The following CD5 variants were observed in gnomAD, a reference collection of about 807,000 sequenced individuals.
CD5 encodes the protein CD5 molecule.
CD5 carries 36 observed loss-of-function variants against 60.3 expected under a neutral mutation model. The observed-to-expected ratio is 0.60, with a 90% confidence interval of 0.46 to 0.79. The LOEUF (loss-of-function observed/expected upper bound fraction) is 0.79. CD5 is among the 30% of genes least tolerant of loss of function. CD5 has a pLI of 0.00. For missense variants in CD5, 540 were observed against 630.6 expected (o/e 0.86, Z 1.54); for synonymous variants, 230 against 257.6 (o/e 0.89, Z 1.03).
the CD5 span, among the ~76,000 whole-genome samples, chr11:61,097,293 A>G: frequency 6.6e-6 from 1 of 152,176 alleles, no homozygotes; most frequent in African/African-American, 2.4e-5. Context: ...CTTGGCTCAA[A>G]AGAATCACCC....
At chr11:61,097,108 T>C in the CD5 span, among the ~76,000 whole-genome samples, 4 of 152,196 alleles carry the variant, frequency 2.6e-5, no homozygotes, top group South Asian at 6.2e-4. Context: ...GAACTCAATG[T>C]GCCAGTACCA....
At chr11:61,100,106 A>G (rs1860642907), upstream of CD5, among the ~76,000 whole-genome samples, 1 of 142,956 alleles carries the variant, frequency 7.0e-6, no homozygotes, top group Non-Finnish European at 1.5e-5. Flanking sequence ...TCACACACAC[A>G]TCAACATGGA....
Position 61,118,745 on chromosome 11 carries a change from G to A in CD5, c.401-170G>A, listed in dbSNP as rs533063474. ...CCTCCATTCTCCCATCTGTGAAGTG[G>A]GGTGGTACTTCCCGCCTCGCAGGAG... On this transcript the variant is annotated intron_variant, in intron 3 of 10. Transcript: ENST00000347785. This position sits in a 1 kb window ranked among gnomAD's most constrained non-coding sequence, Gnocchi z 4.7. 3.3e-5 allele frequency among the ~76,000 whole-genome samples: 5 copies of A among 152,270 alleles called. No homozygotes were observed. In the East Asian group the frequency reaches 7.7e-4, roughly 24 times the overall value.
upstream of CD5, among the ~76,000 whole-genome samples, chr11:61,101,146 A>ATT: frequency 9.0e-6 from 1 of 111,362 alleles, no homozygotes; most frequent in Non-Finnish European, 1.8e-5. Context: ...TGGAGATTAC[A>ATT]CACACATCAA....
At chr11:61,106,411 G>C (rs1412263257) in intron 1 of CD5, among the ~76,000 whole-genome samples, 1 of 152,158 alleles carries the variant, frequency 6.6e-6, no homozygotes. Flanking sequence ...AGGCCTGAGA[G>C]GGTGGGGCTC....
At chr11:61,108,125 A>G (rs1860802007) in intron 1 of CD5, among the ~76,000 whole-genome samples, 1 of 152,192 alleles carries the variant, frequency 6.6e-6, no homozygotes, top group Non-Finnish European at 1.5e-5. Context: ...CCTTCTTCAC[A>G]GGGCTGTGGG....
chr11:61,100,947 ACACACACATCAACATGGAGATCACATT>A (rs1860670263), upstream of CD5, among the ~76,000 whole-genome samples: 1 of 142,166 alleles, frequency 7.0e-6, no homozygotes, highest in Non-Finnish European at 1.5e-5. Context: ...CATGGAGATT[ACACACACATCAACATGGAGATCACATT>A]CACACACATC....
chr11:61,115,215 T>C (rs1004908193), intron 2 of CD5, 121 bp downstream of exon 2: 8 of 837,608 alleles, frequency 9.6e-6, no homozygotes, highest in African/African-American at 1.7e-5. Flanking sequence ...CCCCACCCTA[T>C]AGAGAGAGTG....
In CD5 at chr11:61,119,587, C is replaced by T; in HGVS notation, c.805+12C>T. The stretch of plus-strand genomic sequence containing the variant: ...CCTCCTTTGCTCAGGTAAGTGAGAC[C>T]TGGCCAAGCCCCATGACACCTTCTG... On this transcript the variant is annotated intron_variant, in intron 5 of 10. Transcript: ENST00000347785. 1 of 1,585,890 alleles carries T rather than the reference C, an allele frequency of 6.3e-7. No homozygotes were observed. The highest frequency in any genetic ancestry group is 8.6e-7 in the Non-Finnish European group (1 of 1,165,900).
At chr11:61,097,594 A>G (rs952827953), upstream of CD5, among the ~76,000 whole-genome samples, 3 of 152,280 alleles carry the variant, frequency 2.0e-5, no homozygotes, top group South Asian at 2.1e-4. Context: ...AAATTACCTG[A>G]CCACTGGGCA....
chr11:61,118,822 A>G lies in CD5; in HGVS notation c.401-93A>G. On this transcript the variant is annotated intron_variant, in intron 3 of 10. Coordinates refer to ENST00000347785, the MANE Select transcript of CD5 (RefSeq NM_014207.4). The surrounding 1 kb of genome is among the most constrained non-coding windows in gnomAD (Gnocchi z 4.7). Reference sequence around the variant, plus strand: ...GGACCTGGTGTGCCAAGCGGCACTCATGCCAGGAGCTCCTGGTCCTCTCAA... The same window carrying G: ...GGACCTGGTGTGCCAAGCGGCACTCGTGCCAGGAGCTCCTGGTCCTCTCAA... 1 of 863,648 alleles carries G rather than the reference A, an allele frequency of 1.2e-6. No individual in the cohort carries two copies. Among genetic ancestry groups the G allele is most frequent in the Non-Finnish European group, 1.9e-6 (1 of 528,150 alleles). 53.5% of individuals were successfully genotyped at this position (863,648 alleles called of 1,614,324 possible). A position where few individuals can be genotyped will look rare whatever the true frequency, so the allele number is the denominator to read the frequency against.
At chr11:61,115,902 C>T (rs944609048) in intron 2 of CD5, among the ~76,000 whole-genome samples, 7 of 152,226 alleles carry the variant, frequency 4.6e-5, no homozygotes, top group African/African-American at 1.7e-4. Flanking sequence ...CTCTTGAGCC[C>T]GTTTCCCCAG....
At chr11:61,111,461 C>T (rs1402715991) in intron 1 of CD5, among the ~76,000 whole-genome samples, 1 of 152,192 alleles carries the variant, frequency 6.6e-6, no homozygotes, top group Non-Finnish European at 1.5e-5. Context: ...AAGTATGCAG[C>T]AGGTGCTCAA....
chr11:61,094,915 C>T, the CD5 span, among the ~76,000 whole-genome samples: 1 of 152,044 alleles, frequency 6.6e-6, no homozygotes, highest in Non-Finnish European at 1.5e-5. Context: ...CACAGGGTAA[C>T]CTGTAAGCCA....
At position 61,102,553 on chromosome 11, in the gene CD5, C is replaced by T; in HGVS notation, c.-8C>T. The T allele has an allele frequency of 6.3e-7, 1 of 1,578,998 alleles. No homozygotes were observed. The highest frequency in any genetic ancestry group is 1.2e-5 in the South Asian group (1 of 86,022). On this transcript the variant is annotated 5_prime_UTR_variant, in exon 1 of 11. Coordinates refer to ENST00000347785, the MANE Select transcript of CD5 (RefSeq NM_014207.4). ...TGCCCAGGCTGAGGCAAGAGAAGGC[C>T]AGAAACCATGCCCATGGGGTCTCTG...
intron 1 of CD5, among the ~76,000 whole-genome samples, chr11:61,112,796 G>A (rs909905479): frequency 6.6e-6 from 1 of 152,222 alleles, no homozygotes; most frequent in Non-Finnish European, 1.5e-5. Context: ...GGATCTTGCA[G>A]ATTCAGGGGA....
the CD5 span, among the ~76,000 whole-genome samples, chr11:61,094,091 C>T: frequency 1.3e-5 from 2 of 152,038 alleles, no homozygotes; most frequent in East Asian, 1.9e-4. Flanking sequence ...GATTAACGGA[C>T]AGTTGAGGCA....
intron 4 of CD5, 120 bp downstream of exon 4, chr11:61,119,097 A>G: frequency 1.7e-6 from 2 of 1,170,086 alleles, no homozygotes; most frequent in Non-Finnish European, 1.2e-6. Flanking sequence ...TGTTCTACGC[A>G]ATATTTGGGA....
At chr11:61,112,155 G>A (rs1368362004) in intron 1 of CD5, among the ~76,000 whole-genome samples, 3 of 152,172 alleles carry the variant, frequency 2.0e-5, no homozygotes, top group South Asian at 4.1e-4. Flanking sequence ...CTTAGCCCTC[G>A]AGACTTAGCC....
Sources: allele counts gnomAD v4.1 joint callset (sites outside exome capture counted in the v4.1 genomes callset), GRCh38; gene constraint gnomAD v4.1.1; non-coding constraint Gnocchi (gnomAD v3.1); transcripts MANE v1.5; gene names NCBI Gene and HGNC (gene_info 2026-07-23, HGNC 2026-07-21).